UBE4A: variants seen among roughly 807,000 people sequenced by gnomAD.
The protein encoded by UBE4A is ubiquitination factor E4A, also known as ubiquitin conjugation factor E4 A.
In UBE4A, 48 loss-of-function variants were observed where a neutral mutation model predicts 117.9. The observed-to-expected ratio is 0.41, with a 90% CI of 0.32 to 0.52. The LOEUF is 0.52. UBE4A is among the 20% of genes least tolerant of loss of function. The pLI is 0.33. For synonymous variants in UBE4A, 407 were observed against 450.0 expected (o/e 0.90, Z 1.21); for missense variants, 1,067 against 1,296.3 (o/e 0.82, Z 2.72).
chr11:118,371,066 A>G (rs772758787), intron 4 of UBE4A, among the ~76,000 whole-genome samples: 9 of 152,232 alleles, frequency 5.9e-5, no homozygotes, highest in Non-Finnish European at 1.2e-4. Flanking sequence ...TTAAAAATCA[A>G]AACAGTGCGT....
intron 12 of UBE4A, 21 bp downstream of exon 12, chr11:118,381,544 TTC>T (rs1340951164): frequency 6.2e-7 from 1 of 1,613,114 alleles, no homozygotes; most frequent in African/African-American, 1.3e-5. Context: ...GAAAGCTTGG[TTC>T]TGTCACTGTT....
rs1948683348 is a variant in UBE4A, at chr11:118,379,636, C to G, written c.1762C>G (p.Gln588Glu). The G allele has an allele frequency of 6.2e-7, 1 of 1,614,104 alleles. No individual in the cohort carries two copies. Among genetic ancestry groups the G allele is most frequent in the Non-Finnish European group, 8.5e-7 (1 of 1,180,042 alleles). Residue 588 changes from glutamine to glutamate, a missense_variant, in exon 11 of 20, where the codon CAG (glutamine) becomes GAG (glutamate). Gln to Glu is a conservative substitution (Grantham distance 29). Coordinates refer to ENST00000252108, the MANE Select transcript of UBE4A (RefSeq NM_001204077.2). ...AATGCTACAAAACTGCCTAAACTTGCAGGTGTCCATGGCTGTTCTACTGGT... is the reference window on the plus strand; with the variant it reads ...AATGCTACAAAACTGCCTAAACTTGGAGGTGTCCATGGCTGTTCTACTGGT... ...PQMLQNCLNL[Q>E]VSMAVLLVQL...
Position 118,392,178 on chromosome 11 carries a change from C to T in UBE4A, c.2917-560C>T, listed in dbSNP as rs75365874. Among the ~76,000 whole-genome samples, 465 of 152,240 alleles carry T rather than the reference C, an allele frequency of 3.1e-3. 1 individual carries two copies. The highest frequency in any genetic ancestry group is 0.01 in the African/African-American group (421 of 41,540). On this transcript the variant is annotated intron_variant, in intron 18 of 19. Transcript: ENST00000252108. The stretch of plus-strand genomic sequence containing the variant: ...ACCTTCCTTATTGCTGTCAGTCTTC[C>T]CTCTATTGAGTTTCTTTTTTATTGA...
chr11:118,364,207 G>A (rs1044841962), intron 1 of UBE4A, among the ~76,000 whole-genome samples: 10 of 151,996 alleles, frequency 6.6e-5, no homozygotes, highest in African/African-American at 2.4e-4. Flanking sequence ...GAGTTCACTT[G>A]GTCTTGAATG....
intron 11 of UBE4A, 94 bp from the exon 12 acceptor site, chr11:118,381,297 C>A: frequency 6.9e-6 from 10 of 1,457,150 alleles, no homozygotes; most frequent in Non-Finnish European, 9.3e-6. Context: ...TTTTTTTTAA[C>A]CTTCATTAAG....
intron 10 of UBE4A, among the ~76,000 whole-genome samples, chr11:118,378,323 A>G (rs1485632895): frequency 1.3e-5 from 2 of 152,124 alleles, no homozygotes; most frequent in Non-Finnish European, 2.9e-5. Context: ...GCAAATATTA[A>G]GGAAATGTTT....
Position 118,397,303 on chromosome 11 carries a change from G to A in UBE4A, c.*863G>A, listed in dbSNP as rs1479792505. 15 of 152,040 alleles carry A rather than the reference G, an allele frequency of 9.9e-5. 1 individual carries two copies. The highest frequency in any genetic ancestry group is 4.8e-5 in the African/African-American group (2 of 41,380). 9.4% of individuals were successfully genotyped at this position (152,040 alleles called of 1,614,324 possible). A position where few individuals can be genotyped will look rare whatever the true frequency, so the allele number is the denominator to read the frequency against. On this transcript the variant is annotated 3_prime_UTR_variant, in exon 20 of 20. Transcript: ENST00000252108. ...ATATAAATACACATACACCCCATGT[G>A]CTTTTTTGTTGGTTTAGTGTAAACT...
At chr11:118,360,906 G>A (rs1948514888) in intron 1 of UBE4A, among the ~76,000 whole-genome samples, 1 of 151,652 alleles carries the variant, frequency 6.6e-6, no homozygotes, top group Non-Finnish European at 1.5e-5. Flanking sequence ...ATCCCAAAGT[G>A]TCTGACAACA....
Position 118,384,738 on chromosome 11 carries a change from G to A in UBE4A, c.2298+3G>A. On this transcript the variant is annotated splice_donor_region_variant and intron_variant, in intron 14 of 19. Coordinates refer to ENST00000252108, the MANE Select transcript of UBE4A (RefSeq NM_001204077.2). ...ATACCTATCGGGAGAGCATTAAGGT[G>A]AGAGAGTTTTTGATGAAACCTGTTG... 6.2e-7 allele frequency: 1 copy of A among 1,613,660 alleles called. No homozygotes were observed. The highest frequency in any genetic ancestry group is 8.5e-7 in the Non-Finnish European group (1 of 1,179,674).
At position 118,384,116 on chromosome 11, in the gene UBE4A, C is replaced by T. The variant is rs141602802; in HGVS notation, c.2198-519C>T. The stretch of plus-strand genomic sequence containing the variant: ...ATCCTACACTCTTCCTTTATTATGA[C>T]CCAGCCTGTGGAGCTCTAGTAATAC... On this transcript the variant is annotated intron_variant, in intron 13 of 19. Transcript: ENST00000252108. Among the ~76,000 whole-genome samples, 329 of 152,276 alleles carry T rather than the reference C, an allele frequency of 2.2e-3. 2 individuals are homozygous for T. The highest frequency in any genetic ancestry group is 7.3e-3 in the African/African-American group (305 of 41,548).
intron 11 of UBE4A, among the ~76,000 whole-genome samples, chr11:118,380,638 C>A (rs187743969): frequency 1.3e-5 from 2 of 152,190 alleles, no homozygotes; most frequent in Admixed American, 1.3e-4. Context: ...GCTCACTCAC[C>A]TGCATTGTTC....
rs1475399482 is a variant in UBE4A, at chr11:118,396,952, C to G, written c.*512C>G. The G allele has an allele frequency of 1.3e-5, 2 of 152,410 alleles. No individual in the cohort carries two copies. The highest frequency in any genetic ancestry group is 2.9e-5 in the Non-Finnish European group (2 of 68,260). The allele number at this position is 152,410 out of a possible 1,614,324, so 9.4% of individuals were successfully genotyped here. ...ACCCCTTTTCTGTGTTACAGAGTAA[C>G]TTCACATAAAAGCAGATACCTTTAA... On this transcript the variant is annotated 3_prime_UTR_variant, in exon 20 of 20. Coordinates refer to ENST00000252108, the MANE Select transcript of UBE4A (RefSeq NM_001204077.2).
At chr11:118,371,443 AC>A in intron 4 of UBE4A, 70 bp from the exon 5 acceptor site, 14 of 1,501,396 alleles carry the variant, frequency 9.3e-6, no homozygotes, top group Non-Finnish European at 1.3e-5. Flanking sequence ...TGTCAGAATT[AC>A]CTTTTACATC....
chr11:118,385,022 T>G, intron 15 of UBE4A, 77 bp downstream of exon 15: 1 of 1,342,460 alleles, frequency 7.4e-7, no homozygotes, highest in Non-Finnish European at 1.0e-6. Flanking sequence ...TTTTACCTTT[T>G]AATCATAATA....
At chr11:118,379,424 T>C (rs782625121) in intron 10 of UBE4A, 22 bp from the exon 11 acceptor site, 2 of 1,604,802 alleles carry the variant, frequency 1.2e-6, no homozygotes, top group East Asian at 2.2e-5. Context: ...TGACCCAGTC[T>C]CTTCTGCTTT....
chr11:118,389,814 A>T lies in UBE4A; in HGVS notation c.2677A>T (p.Met893Leu). 1.2e-6 allele frequency: 2 copies of T among 1,613,930 alleles called. No homozygotes were observed. The highest frequency in any genetic ancestry group is 1.7e-6 in the Non-Finnish European group (2 of 1,179,862). ...CCTGCAACACCTGGTTGGCCCCAAGATGGGTGCCTTAAAAGTCAAGGACTT... is the reference window on the plus strand; with the variant it reads ...CCTGCAACACCTGGTTGGCCCCAAGTTGGGTGCCTTAAAAGTCAAGGACTT... ...YFLQHLVGPK[M>L]GALKVKDFSE... Residue 893 changes from methionine to leucine, a missense_variant, in exon 17 of 20, where the codon ATG becomes TTG. Coordinates refer to ENST00000252108, the MANE Select transcript of UBE4A (RefSeq NM_001204077.2).
chr11:118,390,695 G>A lies in UBE4A; in HGVS notation c.2807G>A (p.Gly936Glu). Residue 936 changes from glycine to glutamate, a missense_variant, in exon 18 of 20, where the codon GGA (glycine) becomes GAA (glutamate). Transcript: ENST00000252108. ...ENFCATVPKD[G>E]RSYSPTLFAQ... is the part of the protein sequence containing the mutation. ...TTCTGTGCCACTGTGCCCAAGGATG[G>A]ACGTTCCTATTCCCCAACTCTCTTT... The A allele has an allele frequency of 6.4e-7, 1 of 1,565,062 alleles. No individual in the cohort carries two copies. The highest frequency in any genetic ancestry group is 2.4e-5 in the East Asian group (1 of 41,510).
At chr11:118,368,481 C>T (rs776933792) in intron 2 of UBE4A, 150 bp from the exon 3 acceptor site, 23 of 910,038 alleles carry the variant, frequency 2.5e-5, no homozygotes, top group Non-Finnish European at 3.7e-5. Context: ...CTATATTTAA[C>T]TTCCCTGACT....
chr11:118,372,969 A>C, intron 6 of UBE4A, 117 bp from the exon 7 acceptor site: 1 of 1,041,206 alleles, frequency 9.6e-7, no homozygotes, highest in Non-Finnish European at 1.4e-6. Context: ...GAGCAAAAAA[A>C]CAAGACCCCC....
Sources: allele counts gnomAD v4.1 joint callset (sites outside exome capture counted in the v4.1 genomes callset), GRCh38; gene constraint gnomAD v4.1.1; transcripts MANE v1.5; gene names NCBI Gene and HGNC (gene_info 2026-07-23, HGNC 2026-07-21).